Variants in CALN1 observed in about 807,000 individuals in gnomAD.
CALN1 encodes calcium-binding protein 8.
CALN1 carries 17 observed loss-of-function variants against 30.6 expected under a neutral mutation model. That is an observed-to-expected ratio of 0.56 (90% CI 0.38 to 0.83). The LOEUF is 0.83. Among genes scored for constraint, CALN1 ranks in the 40% least tolerant of loss-of-function variants. The pLI, the probability that CALN1 is intolerant of heterozygous loss-of-function variation, is 0.00. For synonymous variants in CALN1, 156 were observed against 131.4 expected (o/e 1.19, Z -1.28); for missense variants, 291 against 354.9 (o/e 0.82, Z 1.45).
At chr7:72,354,544 C>T (rs1803114166) in intron 2 of CALN1, among the ~76,000 whole-genome samples, 1 of 152,112 alleles carries the variant, frequency 6.6e-6, no homozygotes, top group Non-Finnish European at 1.5e-5. Flanking sequence ...GATTTCAAGA[C>T]TTAACTATAA....
intron 5 of CALN1, among the ~76,000 whole-genome samples, chr7:71,825,710 T>C (rs1788867039): frequency 6.6e-6 from 1 of 151,674 alleles, no homozygotes; most frequent in Admixed American, 6.6e-5. Context: ...GGAAGACTGG[T>C]AAAGGTATTG....
At chr7:72,197,636 C>T (rs1397905945) in intron 3 of CALN1, among the ~76,000 whole-genome samples, 38 of 151,562 alleles carry the variant, frequency 2.5e-4, no homozygotes, top group Admixed American at 1.1e-3. Context: ...TCAAGACCAG[C>T]CTAGACAACA....
intron 5 of CALN1, among the ~76,000 whole-genome samples, chr7:71,827,771 T>TAAAAAAAAAAAAAA (rs1554347602): frequency 4.1e-5 from 4 of 96,930 alleles, no homozygotes; most frequent in Admixed American, 1.5e-4. Context: ...GACTCCATCT[T>TAAAAAAAAAAAAAA]AAAAAAATAA....
chr7:72,417,125 G>A (rs554245375), upstream of CALN1, among the ~76,000 whole-genome samples: 28 of 152,350 alleles, frequency 1.8e-4, no homozygotes, highest in South Asian at 5.2e-3. Flanking sequence ...GGTCCCAGCC[G>A]TGATCTGGAG....
intron 3 of CALN1, among the ~76,000 whole-genome samples, chr7:72,117,859 GAGGCA>G (rs938872354): frequency 6.6e-6 from 1 of 151,668 alleles, no homozygotes; most frequent in Non-Finnish European, 1.5e-5. Context: ...TCAGGAGGCT[GAGGCA>G]GGAGAATTGC....
At chr7:72,385,067 G>A (rs534564859) in intron 2 of CALN1, among the ~76,000 whole-genome samples, 2 of 152,152 alleles carry the variant, frequency 1.3e-5, no homozygotes, top group African/African-American at 2.4e-5. Flanking sequence ...GCTCAACAGC[G>A]CTCGTCATAG....
At chr7:72,120,543 A>G (rs1387698554) in intron 3 of CALN1, among the ~76,000 whole-genome samples, 1 of 152,142 alleles carries the variant, frequency 6.6e-6, no homozygotes, top group Non-Finnish European at 1.5e-5. Context: ...CCATTTCCTT[A>G]AGATGACTTC....
chr7:72,175,891 G>C (rs936770534), intron 3 of CALN1, among the ~76,000 whole-genome samples: 1 of 152,016 alleles, frequency 6.6e-6, no homozygotes, highest in African/African-American at 2.4e-5. Context: ...TCATACAATG[G>C]GCCCCAGTAA....
At chr7:72,244,038 G>A (rs886116849) in intron 3 of CALN1, among the ~76,000 whole-genome samples, 2 of 152,150 alleles carry the variant, frequency 1.3e-5, no homozygotes, top group African/African-American at 4.8e-5. Flanking sequence ...ATGGAATGAG[G>A]ACTTTTCTGA....
At chr7:72,207,467 TTAG>T (rs57532477) in intron 3 of CALN1, among the ~76,000 whole-genome samples, 30 of 151,756 alleles carry the variant, frequency 2.0e-4, no homozygotes, top group Middle Eastern at 3.4e-3. Flanking sequence ...GTTTGTTTAT[TTAG>T]TAGTAGTAGT....
At chr7:72,148,026 G>C (rs1202608305) in intron 3 of CALN1, among the ~76,000 whole-genome samples, 1 of 149,126 alleles carries the variant, frequency 6.7e-6, no homozygotes, top group Non-Finnish European at 1.5e-5. Context: ...CACCAACATG[G>C]CACATGTATA....
chr7:72,061,796 C>CAAAAAAAAAAAAAAA (rs1161510912), intron 4 of CALN1, among the ~76,000 whole-genome samples: 1 of 85,134 alleles, frequency 1.2e-5, no homozygotes, highest in African/African-American at 4.8e-5. Context: ...GACTCTGTCT[C>CAAAAAAAAAAAAAAA]AAAAAAAAAA....
the CALN1 span, among the ~76,000 whole-genome samples, chr7:72,479,847 G>A: frequency 6.4e-4 from 97 of 152,210 alleles, no homozygotes; most frequent in Middle Eastern, 3.4e-3. Flanking sequence ...CACTGAGCCC[G>A]GCTTACAGCA....
the CALN1 span, among the ~76,000 whole-genome samples, chr7:72,456,688 T>C: frequency 1.3e-5 from 2 of 151,966 alleles, no homozygotes; most frequent in African/African-American, 4.8e-5. Flanking sequence ...ACCCCATCTC[T>C]ACAGAAAAAT....
At chr7:71,876,285 A>C (rs1168348469) in intron 5 of CALN1, among the ~76,000 whole-genome samples, 1 of 152,080 alleles carries the variant, frequency 6.6e-6, no homozygotes, top group East Asian at 1.9e-4. Context: ...GGAGTGAGTG[A>C]GTTCTTGCTC....
At chr7:72,446,497 C>T (rs1270247773) in intron 1 of CALN1, among the ~76,000 whole-genome samples, 1 of 147,696 alleles carries the variant, frequency 6.8e-6, no homozygotes, top group South Asian at 2.2e-4. Flanking sequence ...AGAGTAAAGA[C>T]GAGGGGAGAA....
intron 3 of CALN1, among the ~76,000 whole-genome samples, chr7:72,254,907 C>G (rs144566691): frequency 6.6e-6 from 1 of 152,080 alleles, no homozygotes; most frequent in Non-Finnish European, 1.5e-5. Flanking sequence ...GCTGGGATTA[C>G]AGGCTTGCAC....
the CALN1 span, among the ~76,000 whole-genome samples, chr7:72,499,447 A>C: frequency 6.6e-6 from 1 of 152,166 alleles, no homozygotes; most frequent in Non-Finnish European, 1.5e-5. Flanking sequence ...CAAATGCAAA[A>C]TGTTATTATG....
chr7:72,183,077 T>G (rs879144088), intron 3 of CALN1, among the ~76,000 whole-genome samples: 1 of 152,178 alleles, frequency 6.6e-6, no homozygotes, highest in Admixed American at 6.5e-5. Context: ...TTTGTCTGTT[T>G]GTTTCAGACA....
Sources: allele counts gnomAD v4.1 joint callset (sites outside exome capture counted in the v4.1 genomes callset), GRCh38; gene constraint gnomAD v4.1.1; transcripts MANE v1.5; gene names NCBI Gene and HGNC (gene_info 2026-07-23, HGNC 2026-07-21).